TMEM255A: variants seen among roughly 807,000 people sequenced by gnomAD.
TMEM255A encodes the protein transmembrane protein 255A, also known as family with sequence similarity 70, member A.
A neutral mutation model predicts 23.5 loss-of-function variants in TMEM255A; 14 were observed. The ratio of observed to expected loss-of-function variants is 0.60; its 90% CI spans 0.39 to 0.93. TMEM255A has a LOEUF of 0.93. TMEM255A is among the 40% of genes least tolerant of loss of function. The pLI, the probability that TMEM255A is intolerant of heterozygous loss-of-function variation, is 0.00. For missense variants in TMEM255A, 233 were observed against 261.7 expected (o/e 0.89, Z 0.76); for synonymous variants, 104 against 100.3 (o/e 1.04, Z -0.22).
At chrX:120,304,659 T>C (rs1475715237) in intron 1 of TMEM255A, among the ~76,000 whole-genome samples, 168 bp from the exon 2 acceptor site, 1 of 111,788 alleles carries the variant, frequency 8.9e-6, no homozygotes, top group Non-Finnish European at 1.9e-5. Flanking sequence ...CATTATTTTT[T>C]GTAGTCATCA....
intron 6 of TMEM255A, among the ~76,000 whole-genome samples, chrX:120,283,355 CA>C (rs2057849894): frequency 9.0e-6 from 1 of 111,247 alleles, no homozygotes; most frequent in African/African-American, 3.3e-5. Flanking sequence ...CTGGCACAAG[CA>C]AAGAAGGTAA....
rs1556024466 is a variant in TMEM255A, at chrX:120,296,844, A to AT, written c.202-2794dup. 3.6e-4 allele frequency among the ~76,000 whole-genome samples: 7 copies of AT among 19,521 alleles called. 2 individuals carry two copies. The highest frequency in any genetic ancestry group is 4.0e-3 in the South Asian group (1 of 252). The allele number at this position is 19,521 out of a possible 115,157, so 17.0% of individuals were successfully genotyped here. On this transcript the variant is annotated intron_variant, in intron 2 of 8. Transcript: ENST00000371369. ...ATATAATATATATGATATATAATAT[A>AT]TATCATATATAATATATAATATATT...
At chrX:120,289,673 AGAAAAT>A (rs1412857627) in intron 4 of TMEM255A, among the ~76,000 whole-genome samples, 14 of 112,264 alleles carry the variant, frequency 1.2e-4, no homozygotes, top group African/African-American at 2.6e-4. Context: ...TTAGGTAGAA[AGAAAAT>A]GAAAATGAAA....
intron 6 of TMEM255A, among the ~76,000 whole-genome samples, chrX:120,282,949 G>A (rs2057847251): frequency 9.0e-6 from 1 of 110,777 alleles, no homozygotes; most frequent in Non-Finnish European, 1.9e-5. Context: ...CCAGCTCCCA[G>A]CACCACCCTA....
At chrX:120,275,549 G>A (rs2057791035) in intron 7 of TMEM255A, among the ~76,000 whole-genome samples, 1 of 110,945 alleles carries the variant, frequency 9.0e-6, no homozygotes. Context: ...GACAGAAACA[G>A]CCAAGGGCCT....
At chrX:120,281,098 C>A (rs1407799146) in intron 6 of TMEM255A, among the ~76,000 whole-genome samples, 1 of 112,330 alleles carries the variant, frequency 8.9e-6, no homozygotes, top group Admixed American at 9.4e-5. Context: ...ATGTTACAAT[C>A]AAGGCCAAGG....
chrX:120,268,495 C>T, intron 7 of TMEM255A, 108 bp from the exon 8 acceptor site: 1 of 561,578 alleles, frequency 1.8e-6, no homozygotes, highest in Non-Finnish European at 2.6e-6. Flanking sequence ...TATTGATAAA[C>T]AATGATGTGG....
At chrX:120,268,052 T>A (rs1485257913) in intron 8 of TMEM255A, among the ~76,000 whole-genome samples, 192 bp downstream of exon 8, 1 of 111,361 alleles carries the variant, frequency 9.0e-6, no homozygotes, top group Non-Finnish European at 1.9e-5. Context: ...CACCCGCCCA[T>A]CTCTGCCATC....
At chrX:120,280,371 G>A (rs1167172957) in intron 6 of TMEM255A, among the ~76,000 whole-genome samples, 5 of 110,411 alleles carry the variant, frequency 4.5e-5, no homozygotes, top group Non-Finnish European at 7.6e-5. Flanking sequence ...AATAATTTTA[G>A]ATAATATATA....
intron 2 of TMEM255A, among the ~76,000 whole-genome samples, chrX:120,302,210 C>T (rs2058037398): frequency 9.0e-6 from 1 of 111,185 alleles, no homozygotes; most frequent in African/African-American, 3.3e-5. Context: ...CAGGCACCCT[C>T]CTTCCTTTGT....
chrX:120,287,074 A>G, intron 5 of TMEM255A, 80 bp downstream of exon 5: 2 of 838,014 alleles, frequency 2.4e-6, no homozygotes, highest in Non-Finnish European at 3.6e-6. Flanking sequence ...GCCCATGAAA[A>G]GGAGTAAAAG....
downstream of TMEM255A, chrX:120,254,621 A>G (rs782342252): frequency 4.1e-6 from 5 of 1,209,908 alleles, no homozygotes; most frequent in Non-Finnish European, 5.6e-6. Flanking sequence ...CTAATGATCC[A>G]GGCGTAGGAT....
intron 5 of TMEM255A, chrX:120,285,586 CAG>C (rs2057868342): frequency 1.7e-6 from 2 of 1,206,066 alleles, no homozygotes; most frequent in Non-Finnish European, 2.2e-6. Flanking sequence ...GGAAGGAAGA[CAG>C]AGGAGCCGGC....
chrX:120,293,941 G>A (rs189643765), intron 3 of TMEM255A, 48 bp downstream of exon 3: 38 of 943,081 alleles, frequency 4.0e-5, no homozygotes, highest in Middle Eastern at 2.7e-4. Flanking sequence ...CATAAATGTT[G>A]TGCTTTTTTA....
intron 7 of TMEM255A, among the ~76,000 whole-genome samples, chrX:120,270,504 T>A (rs2057751314): frequency 9.0e-6 from 1 of 111,334 alleles, no homozygotes; most frequent in Non-Finnish European, 1.9e-5. Flanking sequence ...TTGGAAAGAA[T>A]GCTACTTTTT....
chrX:120,272,205 C>A (rs1184962356), intron 7 of TMEM255A, among the ~76,000 whole-genome samples: 2 of 111,178 alleles, frequency 1.8e-5, no homozygotes, highest in African/African-American at 6.6e-5. Context: ...GGGCCCTGAG[C>A]ATTTGCTTAG....
chrX:120,268,426 A>G (rs2057731866), intron 7 of TMEM255A, 39 bp from the exon 8 acceptor site: 5 of 1,083,565 alleles, frequency 4.6e-6, no homozygotes, highest in Non-Finnish European at 6.3e-6. Flanking sequence ...ATAAACAGTC[A>G]TCACTAGGAG....
intron 5 of TMEM255A, among the ~76,000 whole-genome samples, chrX:120,286,663 A>G (rs1438999420): frequency 2.7e-5 from 3 of 112,006 alleles, no homozygotes; most frequent in Non-Finnish European, 5.6e-5. Flanking sequence ...CAGCCTCCCC[A>G]GAGCATAAAG....
intron 2 of TMEM255A, among the ~76,000 whole-genome samples, chrX:120,303,873 A>G (rs962321022): frequency 3.0e-4 from 34 of 111,667 alleles, no homozygotes; most frequent in African/African-American, 1.1e-3. Context: ...AAGTGAATAA[A>G]TATACATATT....
Sources: allele counts gnomAD v4.1 joint callset (sites outside exome capture counted in the v4.1 genomes callset), GRCh38; gene constraint gnomAD v4.1.1; transcripts MANE v1.5; gene names NCBI Gene and HGNC (gene_info 2026-07-23, HGNC 2026-07-21).